PLXNA4: variants seen among roughly 807,000 people sequenced by gnomAD.
PLXNA4 encodes plexin-A4.
In PLXNA4, 44 loss-of-function variants were observed where a neutral mutation model predicts 191.8. That is an observed-to-expected ratio of 0.23 (90% CI 0.18 to 0.29). PLXNA4 has a LOEUF of 0.29. PLXNA4 is among the 10% of genes least tolerant of loss of function. The pLI, the probability that PLXNA4 is intolerant of heterozygous loss-of-function variation, is 1.00. For synonymous variants in PLXNA4, 1,082 were observed against 1,009.5 expected, an observed-to-expected ratio of 1.07 and a Z score of -1.36; for missense variants, 1,800 against 2,488.8, an observed-to-expected ratio of 0.72 and a Z score of 5.89.
intron 3 of PLXNA4, among the ~76,000 whole-genome samples, chr7:132,320,344 C>T (rs1275870562): frequency 6.6e-6 from 1 of 152,198 alleles, no homozygotes; most frequent in East Asian, 1.9e-4. Context: ...AGCATCACTC[C>T]AATCTCTGCC....
intron 12 of PLXNA4, 36 bp from the exon 13 acceptor site, chr7:132,198,672 A>G: frequency 6.2e-7 from 1 of 1,608,906 alleles, no homozygotes; most frequent in East Asian, 2.2e-5. Flanking sequence ...GACAAACACC[A>G]AGATACTGCC....
chr7:132,561,473 CCTT>C (rs1477338873), intron 1 of PLXNA4, among the ~76,000 whole-genome samples: 7 of 134,598 alleles, frequency 5.2e-5, no homozygotes, highest in East Asian at 2.5e-4. Flanking sequence ...TCCTCCTCCT[CCTT>C]CTTCTCCTCC....
rs748174836 is a variant in PLXNA4 at position 132,489,485 on chromosome 7, TAA to T, written c.1189-13_1189-12del. The T allele has an allele frequency of 6.5e-7, 1 of 1,536,970 alleles. No homozygotes were observed. The highest frequency in any genetic ancestry group is 1.4e-5 in the African/African-American group (1 of 73,330). ...GTCAATGGTTAAGAGCTGCAAATTT[TAA>T]AAAGAGAAAAATTAGAAGGGAGCGT... On this transcript the variant is annotated splice_polypyrimidine_tract_variant and intron_variant, in intron 2 of 31. Coordinates refer to ENST00000321063, the MANE Select transcript of PLXNA4 (RefSeq NM_020911.2).
chr7:132,445,108 T>C (rs1248399143), intron 3 of PLXNA4, among the ~76,000 whole-genome samples: 3 of 131,114 alleles, frequency 2.3e-5, no homozygotes, highest in African/African-American at 8.7e-5. Flanking sequence ...TGAGCCGAGA[T>C]TGCACCACTG....
chr7:132,137,372 A>G (rs1020447009), intron 30 of PLXNA4, among the ~76,000 whole-genome samples: 7 of 151,670 alleles, frequency 4.6e-5, no homozygotes, highest in African/African-American at 1.7e-4. Context: ...TTGCTGCAAG[A>G]ATGACCTTTC....
rs551019441 is a variant in PLXNA4 at position 132,470,627 on chromosome 7, T to C, written c.1371+18665A>G. ...GAACCTTGAAAAAGAGAGATGAGCC[T>C]GGACTATCCAGGTAGGCACACTCAT... is the stretch of plus-strand genomic sequence containing the variant. On this transcript the variant is annotated intron_variant, in intron 3 of 31. Transcript: ENST00000321063. Among the ~76,000 whole-genome samples the C allele has an allele frequency of 4.6e-5, 7 of 152,262 alleles. No homozygotes were observed. The South Asian group carries it at 1.2e-3, about 27-fold the overall frequency.
intron 1 of PLXNA4, among the ~76,000 whole-genome samples, chr7:132,529,815 C>T (rs1324328433): frequency 1.3e-5 from 2 of 152,060 alleles, no homozygotes; most frequent in African/African-American, 2.4e-5. Flanking sequence ...CCATGTTAGC[C>T]AGGATGGTCT....
intron 3 of PLXNA4, among the ~76,000 whole-genome samples, chr7:132,362,699 A>G (rs188138321): frequency 6.6e-6 from 1 of 152,352 alleles, no homozygotes; most frequent in East Asian, 1.9e-4. Context: ...TTAAAAGAAC[A>G]CTTGACTTGA....
chr7:132,566,156 C>T (rs1467219080), intron 1 of PLXNA4, among the ~76,000 whole-genome samples: 3 of 152,146 alleles, frequency 2.0e-5, no homozygotes, highest in African/African-American at 7.2e-5. Context: ...TGGAAAGGAG[C>T]ACCGTGCCTG....
intron 3 of PLXNA4, among the ~76,000 whole-genome samples, chr7:132,333,233 T>C (rs1431031099): frequency 6.6e-6 from 1 of 152,108 alleles, no homozygotes; most frequent in African/African-American, 2.4e-5. Context: ...AGTGGGGAAT[T>C]TGTGGGAAGG....
chr7:132,269,008 A>G (rs1038137197), intron 4 of PLXNA4, among the ~76,000 whole-genome samples: 1 of 152,160 alleles, frequency 6.6e-6, no homozygotes, highest in Admixed American at 6.5e-5. Context: ...AAAACAAAGT[A>G]TTATTATTCT....
At chr7:132,338,400 C>T (rs143321677) in intron 3 of PLXNA4, among the ~76,000 whole-genome samples, 27 of 152,282 alleles carry the variant, frequency 1.8e-4, no homozygotes, top group African/African-American at 6.3e-4. Context: ...GCCAATCTTG[C>T]TTTTATGAAA....
At chr7:132,215,803 CCA>C (rs1370636178) in intron 9 of PLXNA4, among the ~76,000 whole-genome samples, 1 of 152,154 alleles carries the variant, frequency 6.6e-6, no homozygotes, top group African/African-American at 2.4e-5. Flanking sequence ...AGGGTGGTGT[CCA>C]GAGAGGACAA....
chr7:132,203,430 G>C lies in PLXNA4; in HGVS notation c.2299-11C>G. 5 of 1,612,770 alleles carry C rather than the reference G, an allele frequency of 3.1e-6. No homozygotes were observed. The highest frequency in any genetic ancestry group is 4.2e-6 in the Non-Finnish European group (5 of 1,178,752). On this transcript the variant is annotated splice_polypyrimidine_tract_variant and intron_variant, in intron 10 of 31. Transcript: ENST00000321063. ...CCCTTCATAGGAATACTGCAGCCAGGTCGGGGAGGAGGAAAGAAGAAAGTG... is the reference window on the plus strand; with the variant it reads ...CCCTTCATAGGAATACTGCAGCCAGCTCGGGGAGGAGGAAAGAAGAAAGTG...
At chr7:132,177,685 C>T (rs7807353) in intron 20 of PLXNA4, among the ~76,000 whole-genome samples, 18,905 of 152,136 alleles carry the variant, frequency 0.12, 1,329 homozygotes, top group African/African-American at 0.2. Flanking sequence ...AGTCACCAAG[C>T]GCCTCCAACA....
chr7:132,359,401 G>A (rs1441476212), intron 3 of PLXNA4, among the ~76,000 whole-genome samples: 1 of 151,718 alleles, frequency 6.6e-6, no homozygotes, highest in Non-Finnish European at 1.5e-5. Context: ...ATTTTTAGTA[G>A]AGACGGAGTT....
chr7:132,453,480 G>T (rs1254235349), intron 3 of PLXNA4, among the ~76,000 whole-genome samples: 2 of 151,994 alleles, frequency 1.3e-5, no homozygotes, highest in Admixed American at 1.3e-4. Context: ...TAACCTTCAG[G>T]TCTGAGAACA....
chr7:132,638,127 C>T (rs781450220), intron 2 of PLXNA4, among the ~76,000 whole-genome samples: 8 of 152,156 alleles, frequency 5.3e-5, no homozygotes, highest in African/African-American at 1.9e-4. Flanking sequence ...ACGGAGCCTC[C>T]ACTCCTAGCG....
At chr7:132,363,113 T>C (rs1171187531) in intron 3 of PLXNA4, among the ~76,000 whole-genome samples, 1 of 152,168 alleles carries the variant, frequency 6.6e-6, no homozygotes, top group Non-Finnish European at 1.5e-5. Context: ...GCCTCCCAAG[T>C]AGCTGGGACT....
Sources: gnomAD v4.1 joint callset for allele counts (sites outside exome capture counted in the v4.1 genomes callset) on GRCh38, gnomAD v4.1.1 for gene constraint, MANE v1.5 for transcripts, NCBI Gene and HGNC (gene_info 2026-07-23, HGNC 2026-07-21) for gene names.